The following CNTNAP5 variants were observed in gnomAD, a reference collection of about 807,000 sequenced individuals.
The protein encoded by CNTNAP5 is contactin associated protein family member 5, also known as contactin-associated protein-like 5.
In CNTNAP5, 72 loss-of-function variants were observed where a neutral mutation model predicts 150.2. That is an observed-to-expected ratio of 0.48 (90% CI 0.40 to 0.58). The LOEUF (loss-of-function observed/expected upper bound fraction) is 0.58. Among genes scored for constraint, CNTNAP5 ranks in the 20% least tolerant of loss-of-function variants. The pLI is 0.00. For missense variants in CNTNAP5, 1,636 were observed against 1,626.2 expected (o/e 1.01, Z -0.10); for synonymous variants, 672 against 619.8 (o/e 1.08, Z -1.25).
chr2:124,748,977 T>C (rs1680664787), intron 14 of CNTNAP5, among the ~76,000 whole-genome samples: 1 of 152,160 alleles, frequency 6.6e-6, no homozygotes, highest in South Asian at 2.1e-4. Flanking sequence ...AAACCAACTA[T>C]GATTTGTAGC....
At position 124,128,296 on chromosome 2, in the gene CNTNAP5, C is replaced by G. The variant is rs183232722; in HGVS notation, c.83-93409C>G. ...CCAAAGAAGACATTTATGCAGCCAACAGACACACGAAAAAATGCTCATCAT... is the reference window on the plus strand; with the variant it reads ...CCAAAGAAGACATTTATGCAGCCAAGAGACACACGAAAAAATGCTCATCAT... On this transcript the variant is annotated intron_variant, in intron 1 of 23. Coordinates refer to ENST00000682447, the MANE Select transcript of CNTNAP5 (RefSeq NM_001367498.1). Among the ~76,000 whole-genome samples, 250 of 152,226 alleles carry G rather than the reference C, an allele frequency of 1.6e-3. 1 individual carries two copies. The highest frequency in any genetic ancestry group is 5.6e-3 in the African/African-American group (232 of 41,552).
At chr2:124,563,360 C>G (rs776556287) in intron 11 of CNTNAP5, 37 bp downstream of exon 11, 30 of 1,258,086 alleles carry the variant, frequency 2.4e-5, no homozygotes, top group Middle Eastern at 1.8e-4. Flanking sequence ...GTGGCTTGGA[C>G]AAAACTCCAG....
In CNTNAP5 at chr2:124,401,845, G is replaced by A. The variant is rs114816581; in HGVS notation, c.382-15598G>A. On this transcript the variant is annotated intron_variant, in intron 3 of 23. Coordinates refer to ENST00000682447, the MANE Select transcript of CNTNAP5 (RefSeq NM_001367498.1). Reference sequence around the variant, plus strand: ...CATGGTCATGGGGCACTGCCCCTACGGGAAGCTGGGCTTTTCTGCCTGGGG... The same window carrying A: ...CATGGTCATGGGGCACTGCCCCTACAGGAAGCTGGGCTTTTCTGCCTGGGG... 1.3e-3 allele frequency among the ~76,000 whole-genome samples: 203 copies of A among 152,280 alleles called. 1 individual carries two copies. The highest frequency in any genetic ancestry group is 4.7e-3 in the African/African-American group (195 of 41,564).
At chr2:124,109,922 G>T (rs921264839) in intron 1 of CNTNAP5, among the ~76,000 whole-genome samples, 2 of 152,164 alleles carry the variant, frequency 1.3e-5, no homozygotes, top group African/African-American at 4.8e-5. Flanking sequence ...AGTCCTAGAA[G>T]TAATTTAAGT....
In CNTNAP5 at chr2:124,786,352, G is replaced by GAAGGAAGA. The variant is rs1681572770; in HGVS notation, c.2753-3547_2753-3546insGAAGAAAG. ...AAGAAAGAGAAAGAAAGAAAGAAAG[G>GAAGGAAGA]AAGAAAGAAAGAAAGAAAGAAAGAA... is the stretch of plus-strand genomic sequence containing the variant. On this transcript the variant is annotated intron_variant, in intron 17 of 23. Coordinates refer to ENST00000682447, the MANE Select transcript of CNTNAP5 (RefSeq NM_001367498.1). Among the ~76,000 whole-genome samples the GAAGGAAGA allele has an allele frequency of 3.7e-4, 22 of 59,224 alleles. 1 individual carries two copies. Among genetic ancestry groups the GAAGGAAGA allele is most frequent in the African/African-American group, 1.5e-3 (20 of 13,708 alleles). The allele number at this position is 59,224 out of a possible 152,430, so 38.9% of individuals were successfully genotyped here.
At chr2:124,787,677 A>AT (rs1681629197) in intron 17 of CNTNAP5, among the ~76,000 whole-genome samples, 1 of 150,952 alleles carries the variant, frequency 6.6e-6, no homozygotes, top group African/African-American at 2.4e-5. Context: ...ATTTCTAATT[A>AT]TTTCCTTGCT....
At chr2:124,167,544 T>A (rs1684835679) in intron 1 of CNTNAP5, among the ~76,000 whole-genome samples, 1 of 152,188 alleles carries the variant, frequency 6.6e-6, no homozygotes, top group East Asian at 1.9e-4. Flanking sequence ...AGGTAGCAGG[T>A]TTAATGGGGA....
At chr2:124,594,697 A>G (rs75383320) in intron 11 of CNTNAP5, among the ~76,000 whole-genome samples, 44,362 of 120,822 alleles carry the variant, frequency 0.37, 9,054 homozygotes, top group East Asian at 0.76. Context: ...GCTTGATGGC[A>G]ATGGCATTGA....
chr2:124,776,091 G>A (rs1456072532), intron 17 of CNTNAP5, among the ~76,000 whole-genome samples: 2 of 152,096 alleles, frequency 1.3e-5, no homozygotes, highest in African/African-American at 4.8e-5. Context: ...GTACAAATTA[G>A]GAACGACTGT....
chr2:124,088,084 G>A (rs552762556), intron 1 of CNTNAP5, among the ~76,000 whole-genome samples: 4 of 152,114 alleles, frequency 2.6e-5, no homozygotes, highest in Admixed American at 2.6e-4. Context: ...TTTAAAACTT[G>A]TTACTGACCC....
intron 12 of CNTNAP5, among the ~76,000 whole-genome samples, chr2:124,634,548 A>T (rs1283837666): frequency 6.6e-6 from 1 of 152,028 alleles, no homozygotes; most frequent in Non-Finnish European, 1.5e-5. Context: ...TCACTTTGTC[A>T]CCTAGGCTGG....
chr2:124,461,872 A>AT (rs1553470275), intron 6 of CNTNAP5, among the ~76,000 whole-genome samples: 10 of 5,472 alleles, frequency 1.8e-3, no homozygotes, highest in Non-Finnish European at 0.012. Context: ...AAAAAAAAAA[A>AT]GAAAAAAAAA....
chr2:124,621,250 C>T (rs1465933383), intron 12 of CNTNAP5, among the ~76,000 whole-genome samples: 1 of 152,204 alleles, frequency 6.6e-6, no homozygotes, highest in African/African-American at 2.4e-5. Flanking sequence ...TCTAGAATCA[C>T]TAGCAAAAAC....
At chr2:124,150,506 T>C (rs184859917) in intron 1 of CNTNAP5, among the ~76,000 whole-genome samples, 1 of 152,322 alleles carries the variant, frequency 6.6e-6, no homozygotes, top group Non-Finnish European at 1.5e-5. Context: ...CTTGTGTGGC[T>C]TAAAAAACAG....
intron 1 of CNTNAP5, among the ~76,000 whole-genome samples, chr2:124,074,160 A>G (rs1222929568): frequency 1.3e-5 from 2 of 152,072 alleles, no homozygotes; most frequent in African/African-American, 4.8e-5. Context: ...TTATGGATAT[A>G]GAGAGTAGAA....
At chr2:124,291,465 A>G (rs1688291371) in intron 3 of CNTNAP5, among the ~76,000 whole-genome samples, 1 of 144,478 alleles carries the variant, frequency 6.9e-6, no homozygotes, top group South Asian at 2.5e-4. Context: ...TTTAGAAACT[A>G]TAGATAGTAA....
chr2:124,185,604 G>A (rs538301165), intron 1 of CNTNAP5, among the ~76,000 whole-genome samples: 11 of 152,218 alleles, frequency 7.2e-5, no homozygotes, highest in African/African-American at 2.6e-4. Flanking sequence ...GTTATTCAGA[G>A]GATGCTTTAT....
chr2:124,747,160 T>C, intron 13 of CNTNAP5, 69 bp from the exon 14 acceptor site: 2 of 1,491,540 alleles, frequency 1.3e-6, no homozygotes, highest in South Asian at 1.2e-5. Flanking sequence ...TTCAGCTCAG[T>C]TTCTGTGCCA....
At chr2:124,082,363 A>G (rs1288908719) in intron 1 of CNTNAP5, among the ~76,000 whole-genome samples, 1 of 151,312 alleles carries the variant, frequency 6.6e-6, no homozygotes, top group Non-Finnish European at 1.5e-5. Context: ...AAAAAAAAAA[A>G]AAAAAAAAAA....
Sources: allele counts gnomAD v4.1 joint callset (sites outside exome capture counted in the v4.1 genomes callset), GRCh38; gene constraint gnomAD v4.1.1; transcripts MANE v1.5; gene names NCBI Gene and HGNC (gene_info 2026-07-23, HGNC 2026-07-21).